MED17: variants seen among roughly 807,000 people sequenced by gnomAD.
The protein encoded by MED17 is mediator complex subunit 17, also known as mediator of RNA polymerase II transcription subunit 17.
A neutral mutation model predicts 80.8 loss-of-function variants in MED17; 49 were observed. That is an observed-to-expected ratio of 0.61 (90% CI 0.48 to 0.77). The LOEUF is 0.77. Ranked by LOEUF, MED17 falls within the 30% of genes least tolerant of loss-of-function variation. The pLI, the probability that MED17 is intolerant of heterozygous loss-of-function variation, is 0.00. For synonymous variants in MED17, 281 were observed against 280.4 expected (o/e 1.00, Z -0.02); for missense variants, 718 against 787.0 (o/e 0.91, Z 1.05).
At chr11:93,791,844 C>T (rs184449151) in intron 3 of MED17, among the ~76,000 whole-genome samples, 2 of 152,264 alleles carry the variant, frequency 1.3e-5, no homozygotes, top group Admixed American at 1.3e-4. Flanking sequence ...TTAATCTGCT[C>T]AGCTGTTTTT....
intron 1 of MED17, among the ~76,000 whole-genome samples, chr11:93,786,252 A>G (rs1943768320): frequency 6.6e-6 from 1 of 152,190 alleles, no homozygotes; most frequent in South Asian, 2.1e-4. Flanking sequence ...CATAGAGGAG[A>G]GACTTCAGAT....
At chr11:93,795,939 T>A (rs1396322492) in intron 6 of MED17, 2 of 173,482 alleles carry the variant, frequency 1.2e-5, no homozygotes, top group Non-Finnish European at 2.5e-5. Context: ...GCTTATTATA[T>A]TCATGAATAG....
At position 93,809,275 on chromosome 11, in the gene MED17, C is replaced by G. The variant is rs1944061412; in HGVS notation, c.1585-442C>G. The stretch of plus-strand genomic sequence containing the variant: ...GCCAGGGGAATAAATACCCTGACCT[C>G]ACTCTTCCCTGCCATCCTGCTGTCT... On this transcript the variant is annotated intron_variant, in intron 10 of 11. Coordinates refer to ENST00000251871, the MANE Select transcript of MED17 (RefSeq NM_004268.5). 1.7e-5 allele frequency: 5 copies of G among 301,424 alleles called. No homozygotes were observed. In the Admixed American group the frequency reaches 2.3e-4, roughly 14 times the overall value. The allele number at this position is 301,424 out of a possible 1,614,324, so 18.7% of individuals were successfully genotyped here.
At chr11:93,787,817 G>C (rs1371070259) in intron 1 of MED17, among the ~76,000 whole-genome samples, 184 bp from the exon 2 acceptor site, 2 of 152,158 alleles carry the variant, frequency 1.3e-5, no homozygotes, top group Non-Finnish European at 2.9e-5. Context: ...TGCGATTGTA[G>C]GAATGCTAAT....
Position 93,795,052 on chromosome 11 carries a change from C to T in MED17, c.1004C>T (p.Pro335Leu), listed in dbSNP as rs1229807945. ...IVVKNQIISQ[P>L]FPSLQLSISL... ...GTGAAAAACCAGATTATCTCTCAGCCCTTTCCGAGTAAGAGCAGCCCTTTT... is the reference window on the plus strand; with the variant it reads ...GTGAAAAACCAGATTATCTCTCAGCTCTTTCCGAGTAAGAGCAGCCCTTTT... The change falls in exon 6 of 12, where the codon CCC becomes CTC. Residue 335 changes from proline (P) to leucine (L), a missense_variant. Pro to Leu is a moderately conservative substitution (Grantham distance 98). Coordinates refer to ENST00000251871, the MANE Select transcript of MED17 (RefSeq NM_004268.5). 2 of 1,613,964 alleles carry T rather than the reference C, an allele frequency of 1.2e-6. No individual in the cohort carries two copies. Among genetic ancestry groups the T allele is most frequent in the Non-Finnish European group, 1.7e-6 (2 of 1,180,014 alleles).
At chr11:93,807,138 G>T (rs929787047) in intron 9 of MED17, 1 of 195,470 alleles carries the variant, frequency 5.1e-6, no homozygotes, top group African/African-American at 2.4e-5. Context: ...TTGGCCGGGT[G>T]CAGTGGCTCA....
intron 8 of MED17, among the ~76,000 whole-genome samples, chr11:93,800,134 A>G (rs1203959035): frequency 6.6e-6 from 1 of 152,000 alleles, no homozygotes. Flanking sequence ...CTTACCTTCT[A>G]TAGGAATTAT....
At chr11:93,787,402 G>T (rs929923815) in intron 1 of MED17, among the ~76,000 whole-genome samples, 3 of 151,550 alleles carry the variant, frequency 2.0e-5, no homozygotes, top group African/African-American at 4.9e-5. Context: ...GACAGAGCAA[G>T]ACTTTGTCTC....
chr11:93,812,296 A>C lies in MED17; in HGVS notation c.*232A>C, dbSNP rs1944092521. The stretch of plus-strand genomic sequence containing the variant: ...ATACAGTATGACAAGATGTAAAATA[A>C]TATGTTTTTCATGCAGTTTAAAATA... On this transcript the variant is annotated 3_prime_UTR_variant, in exon 12 of 12. Coordinates refer to ENST00000251871, the MANE Select transcript of MED17 (RefSeq NM_004268.5). The C allele has an allele frequency of 1.7e-6, 1 of 576,178 alleles. No individual in the cohort carries two copies. The highest frequency in any genetic ancestry group is 1.9e-5 in the African/African-American group (1 of 52,026). 35.7% of individuals were successfully genotyped at this position (576,178 alleles called of 1,614,324 possible).
At chr11:93,785,947 T>A (rs974898242) in intron 1 of MED17, among the ~76,000 whole-genome samples, 10 of 152,172 alleles carry the variant, frequency 6.6e-5, no homozygotes, top group African/African-American at 2.4e-4. Flanking sequence ...AAGGCTGCAG[T>A]GAGCTATGAT....
intron 3 of MED17, among the ~76,000 whole-genome samples, chr11:93,792,912 G>T (rs1943853981): frequency 6.6e-6 from 1 of 151,994 alleles, no homozygotes; most frequent in Non-Finnish European, 1.5e-5. Flanking sequence ...CCACACTGCA[G>T]CCTGGAAGAC....
At chr11:93,798,175 T>A (rs1020385768) in intron 8 of MED17, among the ~76,000 whole-genome samples, 3 of 152,194 alleles carry the variant, frequency 2.0e-5, no homozygotes, top group Admixed American at 6.5e-5. Context: ...AGATTGAGGC[T>A]TAAAGAAGTT....
At position 93,784,536 on chromosome 11, in the gene MED17, G is replaced by A; in HGVS notation, c.23G>A (p.Arg8Gln). 6.2e-7 allele frequency: 1 copy of A among 1,611,054 alleles called. No homozygotes were observed. The highest frequency in any genetic ancestry group is 8.5e-7 in the Non-Finnish European group (1 of 1,178,998). Residue 8 changes from arginine to glutamine, a missense_variant, in exon 1 of 12, where the codon CGG becomes CAG. Physicochemically the swap from Arg to Gln is conservative, Grantham distance 43. Transcript: ENST00000251871. MSGVRAV[R>Q]ISIESACEKQ... ...AGCATGTCCGGGGTGCGCGCAGTGC[G>A]GATCAGCATCGAATCGGCCTGCGAG...
chr11:93,787,198 G>A (rs1478812146), intron 1 of MED17, among the ~76,000 whole-genome samples: 1 of 152,052 alleles, frequency 6.6e-6, no homozygotes, highest in East Asian at 1.9e-4. Context: ...CAGATCACGA[G>A]GTCAGGAGAT....
intron 6 of MED17, chr11:93,795,296 G>A (rs749400081): frequency 2.5e-5 from 14 of 567,620 alleles, no homozygotes; most frequent in Non-Finnish European, 4.0e-5. Flanking sequence ...CACTTATGTA[G>A]TCATTATTGT....
At chr11:93,805,153 C>A (rs527367330) in intron 9 of MED17, among the ~76,000 whole-genome samples, 14 of 152,280 alleles carry the variant, frequency 9.2e-5, no homozygotes, top group Admixed American at 7.2e-4. Flanking sequence ...TTTCTTACAG[C>A]CTTTTTGTAT....
At chr11:93,791,941 G>A (rs553740522) in intron 3 of MED17, among the ~76,000 whole-genome samples, 1 of 152,268 alleles carries the variant, frequency 6.6e-6, no homozygotes, top group Admixed American at 6.5e-5. Context: ...CTTAGGGAAT[G>A]CAACTTTTGG....
intron 3 of MED17, among the ~76,000 whole-genome samples, chr11:93,791,717 C>T (rs775392463): frequency 5.3e-5 from 8 of 151,926 alleles, no homozygotes; most frequent in East Asian, 1.9e-4. Context: ...AAAAACCAAA[C>T]GAAAACTGGA....
rs1181119368 is a variant in MED17 at position 93,814,776 on chromosome 11, A to G, written c.*2712A>G. The G allele has an allele frequency of 2.0e-5, 3 of 152,210 alleles. No homozygotes were observed. The highest frequency in any genetic ancestry group is 7.2e-5 in the African/African-American group (3 of 41,458). 9.4% of individuals were successfully genotyped at this position (152,210 alleles called of 1,614,324 possible). On this transcript the variant is annotated 3_prime_UTR_variant, in exon 12 of 12. Coordinates refer to ENST00000251871, the MANE Select transcript of MED17 (RefSeq NM_004268.5). ...TTCATATTTGTATGATGTTTTATAT[A>G]TGGTGAAGATATTGAGTGTTTTTCA...
Sources: allele counts gnomAD v4.1 joint callset (sites outside exome capture counted in the v4.1 genomes callset), GRCh38; gene constraint gnomAD v4.1.1; transcripts MANE v1.5; gene names NCBI Gene and HGNC (gene_info 2026-07-23, HGNC 2026-07-21).